Variants in RFX3 observed in about 807,000 individuals in gnomAD.
RFX3 encodes the protein regulatory factor X3.
Under a neutral mutation model 98.6 loss-of-function variants are expected in RFX3, and 14 were observed. That is an observed-to-expected ratio of 0.14 (90% CI 0.09 to 0.22). The LOEUF (loss-of-function observed/expected upper bound fraction) is 0.22, where lower values mean the gene tolerates loss of function less well. Among genes scored for constraint, RFX3 ranks in the 10% least tolerant of loss-of-function variants. RFX3 has a pLI of 1.00. For synonymous variants in RFX3, 383 were observed against 328.4 expected, an observed-to-expected ratio of 1.17 and a Z score of -1.80; for missense variants, 639 against 926.9, an observed-to-expected ratio of 0.69 and a Z score of 4.03.
At chr9:3,315,543 T>G (rs901635911) in intron 4 of RFX3, among the ~76,000 whole-genome samples, 1 of 148,872 alleles carries the variant, frequency 6.7e-6, no homozygotes, top group Admixed American at 6.7e-5. Context: ...CTGAAGGAGA[T>G]AGACACACAA....
At chr9:3,506,919 T>C (rs1025844201) in intron 1 of RFX3, among the ~76,000 whole-genome samples, 1 of 151,934 alleles carries the variant, frequency 6.6e-6, no homozygotes, top group African/African-American at 2.4e-5. Context: ...TAAGACTGCA[T>C]TGCTTGAAAG....
chr9:3,275,738 G>A, intron 8 of RFX3, 126 bp from the exon 9 acceptor site: 13 of 527,436 alleles, frequency 2.5e-5, no homozygotes, highest in East Asian at 9.0e-5. Context: ...CAGAGAGCAA[G>A]GACATTTTAT....
chr9:3,496,500 C>T (rs1215728854), intron 1 of RFX3, among the ~76,000 whole-genome samples: 1 of 151,954 alleles, frequency 6.6e-6, no homozygotes, highest in Non-Finnish European at 1.5e-5. Context: ...CCCTCTCCTG[C>T]AAAACTCTCC....
chr9:3,243,892 G>GGT (rs1820283111), intron 15 of RFX3, among the ~76,000 whole-genome samples: 1 of 152,164 alleles, frequency 6.6e-6, no homozygotes, highest in Non-Finnish European at 1.5e-5. Flanking sequence ...AAGGACTTTG[G>GGT]TGCCAGACTG....
chr9:3,276,235 C>T lies in RFX3; in HGVS notation c.974-623G>A, dbSNP rs1279897576. ...TTTGTGGTGGCTGCTTCTCCTATTA[C>T]TCTTCTATGTACAAATGACTGTGAA... On this transcript the variant is annotated intron_variant, in intron 8 of 16. Transcript: ENST00000617270. Among the ~76,000 whole-genome samples, 3 of 152,102 alleles carry T rather than the reference C, an allele frequency of 2.0e-5. No individual in the cohort carries two copies. In the East Asian group the frequency reaches 5.8e-4, roughly 29 times the overall value.
chr9:3,277,865 A>G (rs966349592), intron 7 of RFX3, among the ~76,000 whole-genome samples: 2 of 151,982 alleles, frequency 1.3e-5, no homozygotes, highest in Non-Finnish European at 2.9e-5. Flanking sequence ...AGAAATGTTG[A>G]TGAATGGCTT....
chr9:3,244,496 G>C (rs1586715113), intron 15 of RFX3, among the ~76,000 whole-genome samples: 1 of 152,194 alleles, frequency 6.6e-6, no homozygotes, highest in Admixed American at 6.5e-5. Flanking sequence ...GCATTTGACA[G>C]TGTTTATTTG....
intron 12 of RFX3, among the ~76,000 whole-genome samples, chr9:3,263,329 C>A (rs143980874): frequency 6.6e-6 from 1 of 152,102 alleles, no homozygotes; most frequent in African/African-American, 2.4e-5. Flanking sequence ...GACATCTGAG[C>A]GTAGCATTAA....
At chr9:3,469,962 C>T (rs776462268) in intron 1 of RFX3, among the ~76,000 whole-genome samples, 11 of 151,960 alleles carry the variant, frequency 7.2e-5, no homozygotes, top group Non-Finnish European at 1.3e-4. Context: ...CCACAAGCAC[C>T]CCTGCAATAT....
chr9:3,245,038 T>A (rs1820469933), intron 15 of RFX3, among the ~76,000 whole-genome samples: 1 of 152,230 alleles, frequency 6.6e-6, no homozygotes, highest in South Asian at 2.1e-4. Context: ...ATGACAGAGC[T>A]AGAAGTAGAA....
intron 14 of RFX3, among the ~76,000 whole-genome samples, chr9:3,254,192 C>A (rs1489012402): frequency 1.3e-5 from 2 of 151,860 alleles, no homozygotes; most frequent in African/African-American, 2.4e-5. Context: ...ATTTTCTCTC[C>A]CTTCAAGATA....
At chr9:3,326,185 T>A (rs996651414) in intron 4 of RFX3, among the ~76,000 whole-genome samples, 1 of 152,102 alleles carries the variant, frequency 6.6e-6, no homozygotes, top group Non-Finnish European at 1.5e-5. Context: ...TACATATATA[T>A]AATTATACAC....
intron 1 of RFX3, among the ~76,000 whole-genome samples, chr9:3,451,319 G>A (rs1446388055): frequency 6.6e-6 from 1 of 152,178 alleles, no homozygotes; most frequent in Non-Finnish European, 1.5e-5. Context: ...GCTGAAGTAG[G>A]AAGTTCACTT....
chr9:3,256,409 A>G (rs1563811315), intron 14 of RFX3, among the ~76,000 whole-genome samples: 1 of 152,016 alleles, frequency 6.6e-6, no homozygotes, highest in Non-Finnish European at 1.5e-5. Flanking sequence ...GATAAAATTA[A>G]GAAGTTAAAT....
intron 1 of RFX3, among the ~76,000 whole-genome samples, chr9:3,502,129 G>A (rs1359495949): frequency 6.6e-6 from 1 of 151,014 alleles, no homozygotes; most frequent in African/African-American, 2.4e-5. Flanking sequence ...CGTAGTGGCG[G>A]GCGCCTGTAG....
chr9:3,504,875 T>TA (rs1554727972), intron 1 of RFX3, among the ~76,000 whole-genome samples: 5 of 49,674 alleles, frequency 1.0e-4, no homozygotes, highest in African/African-American at 4.9e-4. Flanking sequence ...ATATATTATA[T>TA]ATATTATATA....
intron 2 of RFX3, among the ~76,000 whole-genome samples, chr9:3,380,880 C>T (rs1839118707): frequency 6.6e-6 from 1 of 152,068 alleles, no homozygotes; most frequent in African/African-American, 2.4e-5. Flanking sequence ...TTATACTGAG[C>T]TTTAAAGAGT....
In RFX3 at chr9:3,384,642, G is replaced by C. The variant is rs1197542483; in HGVS notation, c.117+10830C>G. 2.6e-5 allele frequency among the ~76,000 whole-genome samples: 4 copies of C among 152,140 alleles called. No individual in the cohort carries two copies. In the East Asian group the frequency reaches 5.8e-4, roughly 22 times the overall value. ...GATCCATTGTTTGAACTGGACTTCT[G>C]ACAGAAGTAAAATGGTAGGTAAATT... On this transcript the variant is annotated intron_variant, in intron 2 of 16. Transcript: ENST00000617270.
chr9:3,452,805 T>C (rs1846781466), intron 1 of RFX3, among the ~76,000 whole-genome samples: 1 of 152,248 alleles, frequency 6.6e-6, no homozygotes, highest in South Asian at 2.1e-4. Flanking sequence ...CAGGGAATAC[T>C]ATAGGTTTCT....
Sources: gnomAD v4.1 joint callset for allele counts (sites outside exome capture counted in the v4.1 genomes callset) on GRCh38, gnomAD v4.1.1 for gene constraint, MANE v1.5 for transcripts, NCBI Gene and HGNC (gene_info 2026-07-23, HGNC 2026-07-21) for gene names.